Variants in TMC2 observed in about 807,000 individuals in gnomAD.
TMC2 encodes transmembrane channel-like protein 2.
Under a neutral mutation model 105.9 loss-of-function variants are expected in TMC2, and 102 were observed. The ratio of observed to expected loss-of-function variants is 0.96; its 90% confidence interval spans 0.82 to 1.14. The LOEUF (loss-of-function observed/expected upper bound fraction) is 1.14, where lower values mean the gene tolerates loss of function less well. Ranked by LOEUF, TMC2 falls within the 50% of genes most tolerant of loss-of-function variation. TMC2 has a pLI of 0.00. For missense variants in TMC2, 1,093 were observed against 1,134.3 expected (o/e 0.96, Z 0.52); for synonymous variants, 402 against 422.8 (o/e 0.95, Z 0.60).
intron 4 of TMC2, 66 bp downstream of exon 4, chr20:2,562,076 C>T: frequency 1.3e-6 from 2 of 1,535,454 alleles, no homozygotes; most frequent in Non-Finnish European, 1.8e-6. Context: ...GGAATGGGAG[C>T]CCTCCCTCCA....
chr20:2,594,787 C>A, intron 8 of TMC2, 38 bp from the exon 9 acceptor site: 1 of 1,604,770 alleles, frequency 6.2e-7, no homozygotes, highest in Middle Eastern at 1.7e-4. Context: ...CAGCTCTGAG[C>A]TTACCAACCC....
chr20:2,554,969 A>G (rs888540835), intron 2 of TMC2, among the ~76,000 whole-genome samples: 24 of 152,212 alleles, frequency 1.6e-4, no homozygotes, highest in African/African-American at 4.6e-4. Context: ...ATTCAGTTCA[A>G]CTATGTCCTT....
chr20:2,571,422 G>A (rs1189268363), intron 4 of TMC2, among the ~76,000 whole-genome samples: 1 of 152,102 alleles, frequency 6.6e-6, no homozygotes. Flanking sequence ...CTAATTATCA[G>A]AAAAATGCAA....
At chr20:2,549,745 C>G (rs2085946000) in intron 2 of TMC2, among the ~76,000 whole-genome samples, 2 of 152,240 alleles carry the variant, frequency 1.3e-5, no homozygotes, top group South Asian at 4.1e-4. Context: ...TCCTATCCTT[C>G]TGAAGTTTGC....
chr20:2,632,585 T>TTTTTTG (rs751642134), intron 17 of TMC2, among the ~76,000 whole-genome samples: 3 of 151,664 alleles, frequency 2.0e-5, no homozygotes, highest in African/African-American at 4.8e-5. Context: ...ATTTTTGGGG[T>TTTTTTG]TTTTTGTTTT....
chr20:2,550,403 C>G (rs1322772012), intron 2 of TMC2, among the ~76,000 whole-genome samples: 1 of 152,118 alleles, frequency 6.6e-6, no homozygotes, highest in Non-Finnish European at 1.5e-5. Context: ...GTATAACCTT[C>G]TTTCCTCCCC....
At chr20:2,633,193 T>C (rs1365420966) in intron 17 of TMC2, among the ~76,000 whole-genome samples, 1 of 152,236 alleles carries the variant, frequency 6.6e-6, no homozygotes, top group Non-Finnish European at 1.5e-5. Flanking sequence ...TCTGTGTATG[T>C]ATTGGGGTAT....
At chr20:2,537,479 G>C (rs528432737) in intron 2 of TMC2, among the ~76,000 whole-genome samples, 163 bp downstream of exon 2, 5 of 152,148 alleles carry the variant, frequency 3.3e-5, no homozygotes, top group Non-Finnish European at 5.9e-5. Context: ...TAACATGGGA[G>C]GGGGCAGAGT....
intron 2 of TMC2, among the ~76,000 whole-genome samples, chr20:2,545,930 AAAG>A (rs367631871): frequency 6.6e-6 from 1 of 152,182 alleles, no homozygotes; most frequent in East Asian, 1.9e-4. Context: ...TGAAAGAAAG[AAAG>A]AAAGAAAAGA....
intron 14 of TMC2, among the ~76,000 whole-genome samples, chr20:2,614,814 T>A (rs2086468130): frequency 6.6e-6 from 1 of 151,796 alleles, no homozygotes; most frequent in Non-Finnish European, 1.5e-5. Flanking sequence ...AAAATATATA[T>A]AAATTATATA....
At chr20:2,541,293 C>T (rs2085888304) in intron 2 of TMC2, among the ~76,000 whole-genome samples, 1 of 152,046 alleles carries the variant, frequency 6.6e-6, no homozygotes, top group Non-Finnish European at 1.5e-5. Context: ...AATAATGTTG[C>T]ATTGAAGATT....
At chr20:2,615,991 T>TA in intron 14 of TMC2, 146 bp from the exon 15 acceptor site, 1 of 575,912 alleles carries the variant, frequency 1.7e-6, no homozygotes, top group Non-Finnish European at 3.1e-6. Context: ...ATGCTAAATC[T>TA]AAGGTTCTTC....
chr20:2,619,188 T>C (rs1165792191), intron 16 of TMC2, among the ~76,000 whole-genome samples: 3 of 152,048 alleles, frequency 2.0e-5, no homozygotes, highest in Non-Finnish European at 4.4e-5. Flanking sequence ...GGTGATTTAT[T>C]AGGGGTAACT....
intron 4 of TMC2, among the ~76,000 whole-genome samples, chr20:2,562,529 A>G (rs754287192): frequency 2.0e-5 from 3 of 152,178 alleles, no homozygotes; most frequent in African/African-American, 4.8e-5. Context: ...CAACATGAAT[A>G]TCACTCTGTG....
intron 8 of TMC2, among the ~76,000 whole-genome samples, chr20:2,593,439 G>A (rs1221849033): frequency 6.6e-6 from 1 of 152,122 alleles, no homozygotes; most frequent in Admixed American, 6.5e-5. Context: ...GTGAATATCT[G>A]GACTGAGTAA....
intron 5 of TMC2, among the ~76,000 whole-genome samples, chr20:2,577,188 G>T (rs113099904): frequency 0.027 from 4,103 of 151,956 alleles, 173 homozygotes; most frequent in African/African-American, 0.09. Context: ...GATTACAGGC[G>T]TGAGCAACCG....
intron 2 of TMC2, among the ~76,000 whole-genome samples, chr20:2,552,290 T>C (rs535368798): frequency 1.3e-5 from 2 of 152,306 alleles, no homozygotes; most frequent in South Asian, 4.1e-4. Flanking sequence ...AGAATCAGTT[T>C]ATCAATATCC....
intron 17 of TMC2, among the ~76,000 whole-genome samples, chr20:2,629,120 T>G: frequency 6.6e-6 from 1 of 152,040 alleles, no homozygotes; most frequent in East Asian, 1.9e-4. Context: ...GAAAACAGGC[T>G]AATACAGTCA....
chr20:2,582,479 A>G (rs973643557), intron 7 of TMC2, among the ~76,000 whole-genome samples: 5 of 152,054 alleles, frequency 3.3e-5, no homozygotes, highest in Non-Finnish European at 5.9e-5. Context: ...AATTATTTAT[A>G]TATATATAGA....
Sources: gnomAD v4.1 joint callset for allele counts (sites outside exome capture counted in the v4.1 genomes callset) on GRCh38, gnomAD v4.1.1 for gene constraint, MANE v1.5 for transcripts, NCBI Gene and HGNC (gene_info 2026-07-23, HGNC 2026-07-21) for gene names.